RBFOX1: variants seen among roughly 807,000 people sequenced by gnomAD.
The protein encoded by RBFOX1 is RNA binding fox-1 homolog 1.
A neutral mutation model predicts 57.7 loss-of-function variants in RBFOX1; 8 were observed. The ratio of observed to expected loss-of-function variants is 0.14; its 90% CI spans 0.08 to 0.25. RBFOX1 has a LOEUF of 0.25. Among genes scored for constraint, RBFOX1 ranks in the 10% least tolerant of loss-of-function variants. The pLI, the probability that RBFOX1 is intolerant of heterozygous loss-of-function variation, is 1.00. For missense variants in RBFOX1, 611 were observed against 548.5 expected, an observed-to-expected ratio of 1.11 and a Z score of -1.14; for synonymous variants, 326 against 222.4, an observed-to-expected ratio of 1.47 and a Z score of -4.15.
chr16:5,603,135 C>A (rs2047422837), downstream of RBFOX1, among the ~76,000 whole-genome samples: 1 of 152,226 alleles, frequency 6.6e-6, no homozygotes, highest in Non-Finnish European at 1.5e-5. Context: ...CTCCACCTGT[C>A]TGCTTTGGCA....
At chr16:7,653,523 A>T (rs995908699) in intron 11 of RBFOX1, among the ~76,000 whole-genome samples, 1 of 152,162 alleles carries the variant, frequency 6.6e-6, no homozygotes, top group African/African-American at 2.4e-5. Context: ...CTCATTAATT[A>T]AATACTCATG....
At chr16:6,529,191 A>G (rs2153815292) in intron 2 of RBFOX1, among the ~76,000 whole-genome samples, 1 of 152,294 alleles carries the variant, frequency 6.6e-6, no homozygotes, top group African/African-American at 2.4e-5. Flanking sequence ...ACCCTATTAA[A>G]GAGGGTTGTT....
In RBFOX1 at chr16:7,166,972, CTTTTTTTTTTTTTTTT is replaced by C. The variant is rs537293692; in HGVS notation, c.27+114894_27+114909del. 1.3e-3 allele frequency among the ~76,000 whole-genome samples: 62 copies of C among 49,112 alleles called. No homozygotes were observed. The East Asian group carries it at 0.017, about 14-fold the overall frequency. 32.2% of individuals were successfully genotyped at this position (49,112 alleles called of 152,430 possible). On this transcript the variant is annotated intron_variant, in intron 4 of 15. Transcript: ENST00000550418. The stretch of plus-strand genomic sequence containing the variant: ...AGCCCCAGATTGCTGCATTGGTGTT[CTTTTTTTTTTTTTTTT>C]TTTTTTTTTTTTTTTTTTTGACAGT...
intron 2 of RBFOX1, among the ~76,000 whole-genome samples, chr16:6,354,386 C>A (rs1447505765): frequency 1.3e-5 from 2 of 152,146 alleles, no homozygotes; most frequent in Non-Finnish European, 2.9e-5. Context: ...TTTGTCTGAC[C>A]ACTCATCACC....
At chr16:6,973,025 G>A (rs550925119) in intron 3 of RBFOX1, among the ~76,000 whole-genome samples, 6 of 152,274 alleles carry the variant, frequency 3.9e-5, no homozygotes, top group African/African-American at 1.4e-4. Flanking sequence ...CAGCTACTTG[G>A]GAGGCTGAGG....
intron 1 of RBFOX1, among the ~76,000 whole-genome samples, chr16:5,466,455 G>A (rs796878938): frequency 1.3e-5 from 2 of 152,220 alleles, no homozygotes; most frequent in Admixed American, 1.3e-4. Flanking sequence ...GGGGGCAGAG[G>A]GGGTATTTCA....
intron 5 of RBFOX1, among the ~76,000 whole-genome samples, chr16:7,571,145 C>T (rs980005382): frequency 1.3e-5 from 2 of 152,040 alleles, no homozygotes; most frequent in African/African-American, 2.4e-5. Context: ...GTGATGGGTG[C>T]AGCAAATCAC....
intron 3 of RBFOX1, among the ~76,000 whole-genome samples, chr16:6,892,384 C>G (rs1021546851): frequency 1.3e-5 from 2 of 152,132 alleles, no homozygotes; most frequent in Admixed American, 6.6e-5. Flanking sequence ...TATCCAAAGT[C>G]TGAGACCAGG....
chr16:5,906,901 A>AT (rs371294139), intron 4 of RBFOX1, among the ~76,000 whole-genome samples: 18 of 151,416 alleles, frequency 1.2e-4, no homozygotes, highest in African/African-American at 4.4e-4. Flanking sequence ...TGCCTGGCTC[A>AT]TTTTTTTGTA....
chr16:7,702,311 C>G (rs1045862199), intron 14 of RBFOX1, among the ~76,000 whole-genome samples: 2 of 152,146 alleles, frequency 1.3e-5, no homozygotes, highest in Non-Finnish European at 2.9e-5. Context: ...GGCTACATTT[C>G]TTTGTCCTTT....
At chr16:7,664,623 C>G (rs1427232685) in intron 12 of RBFOX1, 2 of 407,784 alleles carry the variant, frequency 4.9e-6, no homozygotes, top group African/African-American at 2.0e-5. Flanking sequence ...CCACTTAAAT[C>G]TCAGTCCTCT....
intron 1 of RBFOX1, among the ~76,000 whole-genome samples, chr16:6,213,246 C>T (rs931897845): frequency 1.7e-4 from 26 of 152,060 alleles, no homozygotes; most frequent in South Asian, 1.7e-3. Context: ...CTTTCTTGAA[C>T]GCTTAATTAT....
chr16:7,335,233 C>T lies in RBFOX1; in HGVS notation c.28-182914C>T, dbSNP rs186979807. On this transcript the variant is annotated intron_variant, in intron 4 of 15. Transcript: ENST00000550418. ...CCTGCATTGCTGCAGACTCCACTTGCTCACTAGTTTCTTGACCTTATGGGT... is the reference window on the plus strand; with the variant it reads ...CCTGCATTGCTGCAGACTCCACTTGTTCACTAGTTTCTTGACCTTATGGGT... 1.4e-4 allele frequency among the ~76,000 whole-genome samples: 21 copies of T among 152,326 alleles called. No homozygotes were observed. In the East Asian group the frequency reaches 2.1e-3, roughly 15 times the overall value.
rs188162191 is a variant in RBFOX1, at chr16:5,904,869, C to T, written c.351+37534C>T. On this transcript the variant is annotated intron_variant, in intron 4 of 19. Transcript: ENST00000641259. ...GTGGGCGCCTGTAGTCCCAGCTACT[C>T]GGGAGGCTGAGGCAGGAGAATGGCG... 1.0e-4 allele frequency among the ~76,000 whole-genome samples: 15 copies of T among 148,218 alleles called. No homozygotes were observed. In the East Asian group the frequency reaches 1.1e-3, roughly 11 times the overall value.
At chr16:6,237,240 G>A (rs1006515134) in intron 1 of RBFOX1, among the ~76,000 whole-genome samples, 2 of 152,176 alleles carry the variant, frequency 1.3e-5, no homozygotes, top group Non-Finnish European at 2.9e-5. Context: ...TAAAGCAGAA[G>A]GCTGTTGTTC....
intron 11 of RBFOX1, among the ~76,000 whole-genome samples, chr16:7,650,685 T>C (rs759424825): frequency 2.0e-5 from 3 of 152,210 alleles, no homozygotes; most frequent in Non-Finnish European, 4.4e-5. Context: ...CTCGGCTCCA[T>C]AGCCAGTGAC....
At chr16:7,576,566 A>T (rs1030936251) in intron 5 of RBFOX1, among the ~76,000 whole-genome samples, 7 of 152,180 alleles carry the variant, frequency 4.6e-5, no homozygotes, top group Admixed American at 4.6e-4. Context: ...ACGCATTTGT[A>T]TATAAGCATA....
At position 7,710,329 on chromosome 16, in the gene RBFOX1, T is replaced by TA. The variant is rs1206625974; in HGVS notation, c.1072-287dup. The stretch of plus-strand genomic sequence containing the variant: ...ACCTCAAGTGCAGATTATTCTGTTA[T>TA]AAAAAAATGAGACAGTGAAAATCCT... On this transcript the variant is annotated intron_variant, in intron 15 of 15. Transcript: ENST00000550418. 4.1e-5 allele frequency: 50 copies of TA among 1,233,230 alleles called. No homozygotes were observed. In the South Asian group the frequency reaches 4.1e-4, roughly 10 times the overall value. 76.4% of individuals were successfully genotyped at this position (1,233,230 alleles called of 1,614,324 possible). A position where few individuals can be genotyped will look rare whatever the true frequency, so the allele number is the denominator to read the frequency against.
rs75951349 is a variant in RBFOX1, at chr16:5,519,553, G to C, written c.258+52299G>C. ...AGCCTGGGCAACCAGGGGAGACCTT[G>C]TCTCTATGAAAAATAAAAAAAATTA... On this transcript the variant is annotated intron_variant, in intron 2 of 2. Coordinates refer to the RBFOX1 transcript ENST00000585867. Among the ~76,000 whole-genome samples, 1,217 of 152,228 alleles carry C rather than the reference G, an allele frequency of 8.0e-3. 8 individuals carry two copies. The highest frequency in any genetic ancestry group is 0.034 in the Middle Eastern group (10 of 294).
Sources: allele counts gnomAD v4.1 joint callset (sites outside exome capture counted in the v4.1 genomes callset), GRCh38; gene constraint gnomAD v4.1.1; transcripts MANE v1.5; gene names NCBI Gene and HGNC (gene_info 2026-07-23, HGNC 2026-07-21).